The following MAGI2 variants were observed in gnomAD, a reference collection of about 807,000 sequenced individuals.
MAGI2 encodes membrane associated guanylate kinase, WW and PDZ domain containing 2.
In MAGI2, 35 loss-of-function variants were observed where a neutral mutation model predicts 133.3. The observed-to-expected ratio is 0.26, with a 90% CI of 0.20 to 0.35. The LOEUF (loss-of-function observed/expected upper bound fraction) is 0.35. Ranked by LOEUF, MAGI2 falls within the 10% of genes least tolerant of loss-of-function variation. The probability of loss-of-function intolerance (pLI) is 1.00; values close to 1 mark genes in which losing one functional copy is unlikely to be tolerated. For missense variants in MAGI2, 1,636 were observed against 1,863.4 expected (o/e 0.88, Z 2.25); for synonymous variants, 729 against 710.6 (o/e 1.03, Z -0.41).
At chr7:78,909,401 G>A (rs868680608) in intron 2 of MAGI2, among the ~76,000 whole-genome samples, 5 of 149,224 alleles carry the variant, frequency 3.4e-5, no homozygotes, top group Middle Eastern at 3.4e-3. Context: ...AGATCATCCT[G>A]GTTAACATGG....
chr7:79,124,028 T>G (rs958473509), intron 1 of MAGI2, among the ~76,000 whole-genome samples: 2 of 152,154 alleles, frequency 1.3e-5, no homozygotes, highest in South Asian at 4.1e-4. Flanking sequence ...GCAGTAGATA[T>G]GCTGCTCAAT....
chr7:79,168,840 T>G (rs1562958388), intron 1 of MAGI2, among the ~76,000 whole-genome samples: 2 of 149,284 alleles, frequency 1.3e-5, no homozygotes, highest in Non-Finnish European at 3.0e-5. Flanking sequence ...ACGTTCAGTT[T>G]GGTCATTTGG....
intron 1 of MAGI2, among the ~76,000 whole-genome samples, chr7:79,269,266 T>C (rs537413631): frequency 6.6e-6 from 1 of 152,276 alleles, no homozygotes; most frequent in South Asian, 2.1e-4. Flanking sequence ...CAATCCCTAG[T>C]GGAACTAACT....
chr7:78,396,607 C>T (rs138242683), intron 6 of MAGI2, among the ~76,000 whole-genome samples: 3 of 152,254 alleles, frequency 2.0e-5, no homozygotes, highest in African/African-American at 7.2e-5. Context: ...ATTTTATTAG[C>T]ATTTTCTACC....
chr7:78,998,954 TCTGAGTTCC>T (rs1806584086), intron 2 of MAGI2, among the ~76,000 whole-genome samples: 1 of 152,100 alleles, frequency 6.6e-6, no homozygotes, highest in Non-Finnish European at 1.5e-5. Context: ...GGGAGCAGAT[TCTGAGTTCC>T]CTGAAAGGTG....
intron 1 of MAGI2, chr7:79,353,780 A>G (rs1841839222): frequency 8.9e-6 from 2 of 223,644 alleles, no homozygotes; most frequent in Non-Finnish European, 1.9e-5. Flanking sequence ...CTGGGCACTG[A>G]GTCCATCTAA....
At chr7:78,452,396 A>G (rs1448760559) in intron 6 of MAGI2, among the ~76,000 whole-genome samples, 2 of 152,032 alleles carry the variant, frequency 1.3e-5, no homozygotes, top group African/African-American at 4.8e-5. Flanking sequence ...GGAGCACAGT[A>G]TGAAGACAGG....
chr7:78,557,891 G>A (rs779228111), intron 3 of MAGI2, among the ~76,000 whole-genome samples: 2 of 151,918 alleles, frequency 1.3e-5, no homozygotes, highest in Non-Finnish European at 2.9e-5. Context: ...CAAACTTAGA[G>A]CACAAATGTC....
chr7:78,202,404 C>T (rs546820005), intron 10 of MAGI2, among the ~76,000 whole-genome samples: 14 of 152,120 alleles, frequency 9.2e-5, no homozygotes, highest in East Asian at 7.7e-4. Flanking sequence ...TAAACTGGGC[C>T]GGGTGCAGTG....
intron 9 of MAGI2, among the ~76,000 whole-genome samples, chr7:78,332,188 G>A (rs560953688): frequency 2.0e-5 from 3 of 152,302 alleles, no homozygotes; most frequent in African/African-American, 7.2e-5. Context: ...AGAGGACTGT[G>A]CAAGGCAAAA....
chr7:79,122,078 A>G (rs933425915), intron 1 of MAGI2, among the ~76,000 whole-genome samples: 1 of 152,140 alleles, frequency 6.6e-6, no homozygotes, highest in African/African-American at 2.4e-5. Context: ...ATTAATCGTT[A>G]TTGCTTTTCA....
chr7:78,022,547 CTG>C (rs1236909960), intron 21 of MAGI2, among the ~76,000 whole-genome samples: 1 of 152,200 alleles, frequency 6.6e-6, no homozygotes, highest in Non-Finnish European at 1.5e-5. Context: ...TACTTAGAAA[CTG>C]TCCCAAGATG....
At chr7:78,134,934 C>T in intron 17 of MAGI2, 87 bp downstream of exon 17, 1 of 1,234,854 alleles carries the variant, frequency 8.1e-7, no homozygotes, top group South Asian at 1.4e-5. Context: ...CAGGTGCACT[C>T]CGCGACCCTG....
chr7:78,606,999 C>T (rs1466887488), intron 3 of MAGI2, among the ~76,000 whole-genome samples: 1 of 152,102 alleles, frequency 6.6e-6, no homozygotes, highest in Non-Finnish European at 1.5e-5. Flanking sequence ...CTGGCAAGCC[C>T]CTGGATATTA....
At chr7:78,690,761 G>A (rs1204557191) in intron 2 of MAGI2, among the ~76,000 whole-genome samples, 3 of 152,132 alleles carry the variant, frequency 2.0e-5, no homozygotes, top group Non-Finnish European at 2.9e-5. Flanking sequence ...TGGGAGAGAG[G>A]ATGAAAACTT....
chr7:78,839,260 G>T (rs192296089), intron 2 of MAGI2, among the ~76,000 whole-genome samples: 1 of 152,178 alleles, frequency 6.6e-6, no homozygotes, highest in East Asian at 1.9e-4. Flanking sequence ...ACATAAAAAT[G>T]TAGAATAGCT....
At chr7:78,846,645 T>C (rs567580536) in intron 2 of MAGI2, among the ~76,000 whole-genome samples, 1 of 152,142 alleles carries the variant, frequency 6.6e-6, no homozygotes, top group East Asian at 1.9e-4. Flanking sequence ...TCAGCTTATT[T>C]ATCCTAGCAC....
rs945007493 is a variant in MAGI2, at chr7:79,420,220, G to A, written c.301+32800C>T. 3.3e-5 allele frequency among the ~76,000 whole-genome samples: 5 copies of A among 151,988 alleles called. No homozygotes were observed. The East Asian group carries it at 9.6e-4, about 29-fold the overall frequency. ...TATGAAATAATACAAAGGGGGAATA[G>A]GTTGCACATGTTCACACACAAACAT... On this transcript the variant is annotated intron_variant, in intron 1 of 21. Transcript: ENST00000354212.
intron 1 of MAGI2, among the ~76,000 whole-genome samples, chr7:79,036,269 G>C (rs1281787089): frequency 6.6e-6 from 1 of 152,162 alleles, no homozygotes; most frequent in African/African-American, 2.4e-5. Flanking sequence ...TCTTATTTGA[G>C]GAAGCCAATG....
Sources: gnomAD v4.1 joint callset for allele counts (sites outside exome capture counted in the v4.1 genomes callset) on GRCh38, gnomAD v4.1.1 for gene constraint, MANE v1.5 for transcripts, NCBI Gene and HGNC (gene_info 2026-07-23, HGNC 2026-07-21) for gene names.